Variants in GNAQ observed in about 807,000 individuals in gnomAD.
GNAQ encodes G protein subunit alpha q.
In GNAQ, 8 loss-of-function variants were observed where a neutral mutation model predicts 43.9. The observed-to-expected ratio is 0.18, with a 90% CI of 0.11 to 0.33. The LOEUF is 0.33. Among genes scored for constraint, GNAQ ranks in the 10% least tolerant of loss-of-function variants. The pLI, the probability that GNAQ is intolerant of heterozygous loss-of-function variation, is 1.00. For synonymous variants in GNAQ, 155 were observed against 170.7 expected, an observed-to-expected ratio of 0.91 and a Z score of 0.71; for missense variants, 158 against 450.8, an observed-to-expected ratio of 0.35 and a Z score of 5.88.
intron 1 of GNAQ, among the ~76,000 whole-genome samples, chr9:77,995,785 C>T (rs1286813338): frequency 6.6e-6 from 1 of 152,110 alleles, no homozygotes; most frequent in African/African-American, 2.4e-5. Context: ...CCCAACATAA[C>T]ATTCTTAAAT....
intron 2 of GNAQ, among the ~76,000 whole-genome samples, chr9:77,825,580 A>G (rs1354879083): frequency 6.6e-6 from 1 of 152,220 alleles, no homozygotes; most frequent in African/African-American, 2.4e-5. Flanking sequence ...AGGAATGCCC[A>G]CACGCTGTCT....
At chr9:77,935,442 A>G (rs145148879) in intron 1 of GNAQ, among the ~76,000 whole-genome samples, 3 of 152,302 alleles carry the variant, frequency 2.0e-5, no homozygotes, top group Non-Finnish European at 4.4e-5. Flanking sequence ...CTCCTAAAAC[A>G]AAAAATTTTT....
At chr9:77,749,411 C>T (rs565632243) in intron 5 of GNAQ, among the ~76,000 whole-genome samples, 46 of 152,286 alleles carry the variant, frequency 3.0e-4, no homozygotes, top group African/African-American at 9.6e-4. Context: ...AGGCAGAAGG[C>T]TTTAAATATG....
In GNAQ at chr9:77,720,869, G is replaced by GA. The variant is rs1182160144; in HGVS notation, c.*453dup. The GA allele has an allele frequency of 4.2e-6, 1 of 236,554 alleles. No individual in the cohort carries two copies. Among genetic ancestry groups the GA allele is most frequent in the Admixed American group, 5.5e-5 (1 of 18,174 alleles). The allele number at this position is 236,554 out of a possible 1,614,324, so 14.7% of individuals were successfully genotyped here. A position where few individuals can be genotyped will look rare whatever the true frequency, so the allele number is the denominator to read the frequency against. ...TGTGTCCTGACTGTATCATTTGAGA[G>GA]AAAAACTTGACCAAGAATGGAACTA... On this transcript the variant is annotated 3_prime_UTR_variant, in exon 7 of 7. Coordinates refer to ENST00000286548, the MANE Select transcript of GNAQ (RefSeq NM_002072.5).
intron 1 of GNAQ, among the ~76,000 whole-genome samples, 195 bp downstream of exon 1, chr9:78,030,905 G>GTA (rs1824046925): frequency 6.6e-6 from 1 of 151,604 alleles, no homozygotes; most frequent in African/African-American, 2.4e-5. Flanking sequence ...GTGTGTGTGT[G>GTA]TGTGTGTGTG....
chr9:77,793,626 ATATTTAT>A (rs1295058446), intron 5 of GNAQ, among the ~76,000 whole-genome samples: 8 of 152,086 alleles, frequency 5.3e-5, no homozygotes, highest in Non-Finnish European at 1.0e-4. Flanking sequence ...GGGATATTTA[ATATTTAT>A]TATTAACCTA....
At chr9:77,914,882 G>T (rs1828871798) in intron 2 of GNAQ, among the ~76,000 whole-genome samples, 1 of 150,886 alleles carries the variant, frequency 6.6e-6, no homozygotes, top group African/African-American at 2.4e-5. Context: ...ATCACGTATG[G>T]GATTTAGATA....
At chr9:77,873,806 C>T (rs1012967508) in intron 2 of GNAQ, among the ~76,000 whole-genome samples, 1 of 152,142 alleles carries the variant, frequency 6.6e-6, no homozygotes, top group Non-Finnish European at 1.5e-5. Context: ...TGGTAGTTCT[C>T]AATATATCTA....
intron 1 of GNAQ, among the ~76,000 whole-genome samples, chr9:77,986,803 C>CT (rs56978328): frequency 0.019 from 2,361 of 123,520 alleles, 54 homozygotes; most frequent in African/African-American, 0.052. Context: ...GCACCTGGCC[C>CT]TTTTTTTTTT....
intron 1 of GNAQ, among the ~76,000 whole-genome samples, chr9:77,923,268 A>G (rs1480156615): frequency 6.6e-6 from 1 of 152,196 alleles, no homozygotes; most frequent in Non-Finnish European, 1.5e-5. Flanking sequence ...GGAATCACGT[A>G]ATTCAGGAAA....
At chr9:77,728,278 C>T (rs983161731) in intron 6 of GNAQ, among the ~76,000 whole-genome samples, 2 of 152,222 alleles carry the variant, frequency 1.3e-5, no homozygotes, top group Non-Finnish European at 2.9e-5. Flanking sequence ...CAGGCGCTCG[C>T]CACTGTGCCC....
intron 1 of GNAQ, among the ~76,000 whole-genome samples, chr9:77,965,551 T>G (rs911767831): frequency 3.3e-5 from 5 of 152,134 alleles, no homozygotes; most frequent in African/African-American, 2.4e-5. Flanking sequence ...GTAAAAGGTT[T>G]CACACTTTAT....
rs72738413 is a variant in GNAQ, at chr9:77,954,985, G to C, written c.137-32640C>G. On this transcript the variant is annotated intron_variant, in intron 1 of 6. Coordinates refer to ENST00000286548, the MANE Select transcript of GNAQ (RefSeq NM_002072.5). ...CACCGCATGATTTCTGTTAAACCAG[G>C]CCTCTCCTGCATAACCACCGAATAG... Among the ~76,000 whole-genome samples, 1,157 of 152,182 alleles carry C rather than the reference G, an allele frequency of 7.6e-3. 7 individuals carry two copies. The highest frequency in any genetic ancestry group is 0.011 in the Non-Finnish European group (739 of 68,016).
intron 1 of GNAQ, among the ~76,000 whole-genome samples, chr9:77,927,694 A>G (rs1829089825): frequency 6.6e-6 from 1 of 152,112 alleles, no homozygotes; most frequent in African/African-American, 2.4e-5. Flanking sequence ...CAAAACAGTT[A>G]CCAAAACTGT....
intron 1 of GNAQ, among the ~76,000 whole-genome samples, chr9:78,019,323 C>T (rs1486999941): frequency 2.6e-5 from 4 of 152,142 alleles, no homozygotes; most frequent in Non-Finnish European, 4.4e-5. Context: ...GATGGTAACC[C>T]ATGGCAAAAC....
intron 1 of GNAQ, among the ~76,000 whole-genome samples, chr9:77,983,010 T>C (rs1312933232): frequency 6.6e-6 from 1 of 152,146 alleles, no homozygotes; most frequent in Non-Finnish European, 1.5e-5. Context: ...AGAAGAACCA[T>C]AACAGAGAAA....
chr9:77,854,221 T>G (rs892380704), intron 2 of GNAQ, among the ~76,000 whole-genome samples: 2 of 152,136 alleles, frequency 1.3e-5, no homozygotes, highest in Non-Finnish European at 2.9e-5. Flanking sequence ...CAGAGATGAA[T>G]GTGTTTAAAA....
At chr9:77,759,774 G>A (rs1398718312) in intron 5 of GNAQ, among the ~76,000 whole-genome samples, 1 of 152,102 alleles carries the variant, frequency 6.6e-6, no homozygotes, top group Admixed American at 6.5e-5. Flanking sequence ...ATTTTGGGAA[G>A]GTCTCTCCAT....
intron 5 of GNAQ, among the ~76,000 whole-genome samples, chr9:77,742,451 AAG>A (rs1203485626): frequency 6.6e-6 from 1 of 152,232 alleles, no homozygotes; most frequent in African/African-American, 2.4e-5. Flanking sequence ...TGCCCCAAAT[AAG>A]AGTTTTCTTC....
Sources: allele counts gnomAD v4.1 joint callset (sites outside exome capture counted in the v4.1 genomes callset), GRCh38; gene constraint gnomAD v4.1.1; transcripts MANE v1.5; gene names NCBI Gene and HGNC (gene_info 2026-07-23, HGNC 2026-07-21).